The following CDKL5 variants were observed in gnomAD, a reference collection of about 807,000 sequenced individuals.
The protein encoded by CDKL5 is cyclin-dependent kinase-like 5.
A neutral mutation model predicts 61.7 loss-of-function variants in CDKL5; 8 were observed. The ratio of observed to expected loss-of-function variants is 0.13; its 90% CI spans 0.08 to 0.23. CDKL5 has a LOEUF of 0.23. CDKL5 is among the 10% of genes least tolerant of loss of function. The probability of loss-of-function intolerance (pLI) is 1.00; values close to 1 mark genes in which losing one functional copy is unlikely to be tolerated. For missense variants in CDKL5, 440 were observed against 734.5 expected, an observed-to-expected ratio of 0.60 and a Z score of 4.63; for synonymous variants, 275 against 272.3, an observed-to-expected ratio of 1.01 and a Z score of -0.10.
rs1256462791 is a variant in CDKL5 at position 18,497,567 on chromosome X, A to G, written c.-162-9368A>G. Among the ~76,000 whole-genome samples, 9 of 112,120 alleles carry G rather than the reference A, an allele frequency of 8.0e-5. No homozygotes were observed. The South Asian group carries it at 3.3e-3, about 41-fold the overall frequency. ...AAAAATTATTTTTTAATACCATATA[A>G]ATGACGAAGGAACTATTTATATATG... On this transcript the variant is annotated intron_variant, in intron 1 of 17. Transcript: ENST00000623535.
At chrX:18,590,226 G>A (rs1260909350) in intron 9 of CDKL5, among the ~76,000 whole-genome samples, 1 of 111,294 alleles carries the variant, frequency 9.0e-6, no homozygotes, top group African/African-American at 3.3e-5. Flanking sequence ...CCTGTGTCCT[G>A]AATGGTATTG....
intron 3 of CDKL5, among the ~76,000 whole-genome samples, chrX:18,516,183 G>A (rs1031485513): frequency 2.7e-5 from 3 of 110,618 alleles, no homozygotes; most frequent in Non-Finnish European, 5.7e-5. Flanking sequence ...TAGAGATGGG[G>A]TTTCACCATG....
intron 1 of CDKL5, among the ~76,000 whole-genome samples, chrX:18,494,039 TGAGTAGCTGG>T (rs1922080077): frequency 9.0e-6 from 1 of 110,569 alleles, no homozygotes; most frequent in Non-Finnish European, 1.9e-5. Flanking sequence ...CTCAGCCTCC[TGAGTAGCTGG>T]GAGTAGCTGG....
rs1927336185 is a variant in CDKL5 at position 18,634,763 on chromosome X, GC to G, written c.*6010del. On this transcript the variant is annotated 3_prime_UTR_variant, in exon 18 of 18. Coordinates refer to ENST00000623535, the MANE Select transcript of CDKL5 (RefSeq NM_001323289.2). ...AACAATTAAACCAAACAAAATCATT[GC>G]CCCAAATTTCTATCTCCAAGAATTG... is the stretch of plus-strand genomic sequence containing the variant. 1.3e-6 allele frequency: 1 copy of G among 753,192 alleles called. No homozygotes were observed. The highest frequency in any genetic ancestry group is 7.6e-4 in the Middle Eastern group (1 of 1,323). 62.1% of individuals were successfully genotyped at this position (753,192 alleles called of 1,213,427 possible).
rs751952820 is a variant in CDKL5, at chrX:18,474,380, T to C, written c.-162-32555T>C. Among the ~76,000 whole-genome samples the C allele has an allele frequency of 1.5e-3, 166 of 111,406 alleles. 1 individual carries two copies. Among genetic ancestry groups the C allele is most frequent in the Non-Finnish European group, 2.7e-3 (145 of 53,090 alleles). ...TTTTCATCTCTGTTGCCTCTACCTT[T>C]ATTAAGGTACATAAGTCCCCAAGTT... On this transcript the variant is annotated intron_variant, in intron 1 of 17. Transcript: ENST00000623535.
chrX:18,481,560 A>G (rs1340966462), intron 1 of CDKL5, among the ~76,000 whole-genome samples: 1 of 90,098 alleles, frequency 1.1e-5, no homozygotes, highest in Non-Finnish European at 2.2e-5. Flanking sequence ...AAGGGGTTTT[A>G]CCATGTTGCC....
intron 1 of CDKL5, among the ~76,000 whole-genome samples, chrX:18,454,411 A>G (rs775141757): frequency 9.4e-6 from 1 of 106,452 alleles, no homozygotes; most frequent in South Asian, 4.1e-4. Context: ...TAATTTTTGT[A>G]TCTTTAGTAG....
chrX:18,616,424 G>A (rs1172359360), intron 15 of CDKL5, among the ~76,000 whole-genome samples: 2 of 110,488 alleles, frequency 1.8e-5, no homozygotes, highest in African/African-American at 6.6e-5. Flanking sequence ...TTGGGAGTTC[G>A]AGACCAGCTT....
At chrX:18,574,096 A>G (rs1383736649) in intron 4 of CDKL5, among the ~76,000 whole-genome samples, 1 of 111,274 alleles carries the variant, frequency 9.0e-6, no homozygotes, top group African/African-American at 3.3e-5. Flanking sequence ...CCTCCTTCTC[A>G]CACTGAAAGA....
intron 1 of CDKL5, among the ~76,000 whole-genome samples, chrX:18,500,429 G>T (rs1308829966): frequency 8.9e-6 from 1 of 111,954 alleles, no homozygotes; most frequent in Non-Finnish European, 1.9e-5. Context: ...GAGCAAACCT[G>T]TTTTTCTCTC....
At chrX:18,500,281 T>A (rs1462134417) in intron 1 of CDKL5, among the ~76,000 whole-genome samples, 2 of 111,966 alleles carry the variant, frequency 1.8e-5, no homozygotes, top group African/African-American at 6.5e-5. Flanking sequence ...GCATTTATCA[T>A]TTCTTTGTGT....
At chrX:18,623,059 T>C (rs1926938092) in intron 16 of CDKL5, among the ~76,000 whole-genome samples, 1 of 112,080 alleles carries the variant, frequency 8.9e-6, no homozygotes, top group African/African-American at 3.2e-5. Context: ...AATTCTGTAT[T>C]GTAAAGGTGC....
intron 12 of CDKL5, among the ~76,000 whole-genome samples, chrX:18,605,514 G>A (rs751779791): frequency 5.2e-4 from 58 of 111,457 alleles, no homozygotes; most frequent in African/African-American, 1.7e-3. Flanking sequence ...CTTGAACCTG[G>A]GAGGCAGAGG....
At chrX:18,506,043 A>T (rs1307897161) in intron 1 of CDKL5, among the ~76,000 whole-genome samples, 2 of 112,920 alleles carry the variant, frequency 1.8e-5, no homozygotes, top group Admixed American at 9.3e-5. Context: ...AAGGACTTTT[A>T]AAAAAATTAT....
intron 1 of CDKL5, among the ~76,000 whole-genome samples, chrX:18,503,968 C>T (rs1399770302): frequency 9.0e-6 from 1 of 111,613 alleles, no homozygotes; most frequent in Non-Finnish European, 1.9e-5. Context: ...GTCTTGAATT[C>T]CTGAGCATGA....
At chrX:18,442,654 C>T (rs1027676808) in intron 1 of CDKL5, among the ~76,000 whole-genome samples, 2 of 110,790 alleles carry the variant, frequency 1.8e-5, no homozygotes, top group African/African-American at 3.3e-5. Flanking sequence ...CCTCCACGCC[C>T]GGCTACTTTT....
At chrX:18,614,578 G>T (rs1926660787) in intron 15 of CDKL5, among the ~76,000 whole-genome samples, 1 of 112,365 alleles carries the variant, frequency 8.9e-6, no homozygotes, top group African/African-American at 3.2e-5. Context: ...GGCTCCGTAA[G>T]CATTCATTAA....
In CDKL5 at chrX:18,549,837, C is replaced by T. The variant is rs189537611; in HGVS notation, c.100-14640C>T. Among the ~76,000 whole-genome samples the T allele has an allele frequency of 5.4e-5, 6 of 111,606 alleles. No individual in the cohort carries two copies. The East Asian group carries it at 1.7e-3, about 31-fold the overall frequency. ...CTTATGCCCCATCCCCCTCTTGTAA[C>T]TCAGGGAAGAAACAGTCTTTCAAGG... On this transcript the variant is annotated intron_variant, in intron 3 of 17. Coordinates refer to ENST00000623535, the MANE Select transcript of CDKL5 (RefSeq NM_001323289.2).
chrX:18,459,623 A>G (rs982020855), intron 1 of CDKL5, among the ~76,000 whole-genome samples: 1 of 108,726 alleles, frequency 9.2e-6, no homozygotes, highest in Non-Finnish European at 1.9e-5. Flanking sequence ...AAGAGGTTTA[A>G]TATGTTCATG....
Sources: gnomAD v4.1 joint callset for allele counts (sites outside exome capture counted in the v4.1 genomes callset) on GRCh38, gnomAD v4.1.1 for gene constraint, MANE v1.5 for transcripts, NCBI Gene and HGNC (gene_info 2026-07-23, HGNC 2026-07-21) for gene names.